The following SEC14L1 variants were observed in gnomAD, a reference collection of about 807,000 sequenced individuals.
The protein encoded by SEC14L1 is SEC14 like lipid binding 1.
In SEC14L1, 48 loss-of-function variants were observed where a neutral mutation model predicts 85.3. The ratio of observed to expected loss-of-function variants is 0.56; its 90% CI spans 0.45 to 0.72. The LOEUF is 0.72. SEC14L1 is among the 30% of genes least tolerant of loss of function. The pLI, the probability that SEC14L1 is intolerant of heterozygous loss-of-function variation, is 0.00. For synonymous variants in SEC14L1, 391 were observed against 355.5 expected (o/e 1.10, Z -1.12); for missense variants, 682 against 921.4 (o/e 0.74, Z 3.36).
intron 3 of SEC14L1, among the ~76,000 whole-genome samples, chr17:77,128,736 G>T (rs951535341): frequency 3.9e-5 from 6 of 152,006 alleles, no homozygotes; most frequent in African/African-American, 1.4e-4. Flanking sequence ...TTACAGATGT[G>T]ATTCACCGCG....
At chr17:77,129,034 G>A (rs1176756604) in intron 3 of SEC14L1, among the ~76,000 whole-genome samples, 2 of 152,050 alleles carry the variant, frequency 1.3e-5, no homozygotes, top group Non-Finnish European at 1.5e-5. Context: ...TTTCTGTTGG[G>A]GGAAATTTAA....
intron 3 of SEC14L1, chr17:77,144,561 CAA>C (rs780161546): frequency 2.0e-5 from 3 of 152,224 alleles, no homozygotes; most frequent in Non-Finnish European, 4.4e-5. Context: ...TTTTGAAAAA[CAA>C]GAAGTCCTCT....
At chr17:77,157,597 G>A (rs1367722110) in intron 3 of SEC14L1, among the ~76,000 whole-genome samples, 1 of 151,346 alleles carries the variant, frequency 6.6e-6, no homozygotes. Flanking sequence ...GCATGATCTC[G>A]GCTCACTGCA....
chr17:77,094,580 G>C (rs1971595266), intron 3 of SEC14L1: 1 of 152,288 alleles, frequency 6.6e-6, no homozygotes, highest in Admixed American at 6.6e-5. Context: ...CGATTCTCCT[G>C]CCTCAGCCTC....
rs367845648 is a variant in SEC14L1, at chr17:77,143,037, T to C, written c.-31+287T>C. Among the ~76,000 whole-genome samples the C allele has an allele frequency of 2.8e-4, 42 of 152,342 alleles. No individual in the cohort carries two copies. In the East Asian group the frequency reaches 5.8e-3, roughly 21 times the overall value. ...AGCTGTAGTGTACACAGTTAGAAAA[T>C]AGGAATTGACACGTTTCCTTTGAAG... On this transcript the variant is annotated intron_variant, in intron 2 of 16. Transcript: ENST00000436233.
chr17:77,125,894 G>A (rs528732782), intron 3 of SEC14L1, among the ~76,000 whole-genome samples: 1 of 152,340 alleles, frequency 6.6e-6, no homozygotes, highest in African/African-American at 2.4e-5. Context: ...GCTCACACCT[G>A]TAATCCCAAC....
At chr17:77,139,680 G>A (rs9905329), upstream of SEC14L1, among the ~76,000 whole-genome samples, 59,105 of 151,120 alleles carry the variant, frequency 0.39, 12,004 homozygotes, top group African/African-American at 0.5. Flanking sequence ...TGTATTTTTA[G>A]TAGAGACAGG....
At chr17:77,196,411 A>G (rs1975809501) in intron 8 of SEC14L1, 100 bp downstream of exon 8, 4 of 678,278 alleles carry the variant, frequency 5.9e-6, no homozygotes, top group Non-Finnish European at 7.5e-6. Context: ...CCCAACTTCC[A>G]CGGCTGGGAA....
At chr17:77,167,698 A>G (rs949790802) in intron 3 of SEC14L1, among the ~76,000 whole-genome samples, 1 of 152,180 alleles carries the variant, frequency 6.6e-6, no homozygotes, top group Admixed American at 6.5e-5. Flanking sequence ...TCTCATGACC[A>G]GGAGGAAGTA....
intron 3 of SEC14L1, among the ~76,000 whole-genome samples, chr17:77,153,260 T>C (rs1973649798): frequency 6.6e-6 from 1 of 152,072 alleles, no homozygotes; most frequent in Non-Finnish European, 1.5e-5. Context: ...ACAGATGGGG[T>C]TTCACCACGT....
intron 3 of SEC14L1, among the ~76,000 whole-genome samples, chr17:77,153,952 G>A (rs778351709): frequency 1.3e-5 from 2 of 152,156 alleles, no homozygotes; most frequent in Non-Finnish European, 2.9e-5. Flanking sequence ...CATATATTGC[G>A]TTGTAATTTT....
chr17:77,118,272 C>T (rs1040486469), intron 3 of SEC14L1, among the ~76,000 whole-genome samples: 6 of 152,222 alleles, frequency 3.9e-5, no homozygotes, highest in Admixed American at 3.3e-4. Flanking sequence ...GCCACCTGGG[C>T]GTTGTCTCCG....
chr17:77,107,665 C>T (rs753337416), intron 3 of SEC14L1, among the ~76,000 whole-genome samples: 23 of 152,110 alleles, frequency 1.5e-4, no homozygotes, highest in Non-Finnish European at 3.1e-4. Context: ...CCTCACACAC[C>T]GAGGGGCTTG....
chr17:77,213,171 A>G lies in SEC14L1; in HGVS notation c.1864-143A>G. The G allele has an allele frequency of 1.4e-6, 1 of 708,384 alleles. No individual in the cohort carries two copies. The highest frequency in any genetic ancestry group is 1.9e-5 in the South Asian group (1 of 52,236). 43.9% of individuals were successfully genotyped at this position (708,384 alleles called of 1,614,324 possible). On this transcript the variant is annotated intron_variant, in intron 15 of 16. Transcript: ENST00000436233. The surrounding 1 kb of genome is among the most constrained non-coding windows in gnomAD (Gnocchi z 7.1). ...TTGTCAAACCTGCTGCTGAAGCAAA[A>G]TAGCAGGTTCTGAATCCCATTGAGA...
At chr17:77,106,361 G>T (rs976342174) in intron 3 of SEC14L1, among the ~76,000 whole-genome samples, 1 of 151,824 alleles carries the variant, frequency 6.6e-6, no homozygotes, top group South Asian at 2.1e-4. Context: ...GTGAAACCCC[G>T]TCTCTACTAA....
intron 9 of SEC14L1, among the ~76,000 whole-genome samples, chr17:77,200,971 AT>A (rs1414418825): frequency 6.6e-6 from 1 of 152,254 alleles, no homozygotes; most frequent in Non-Finnish European, 1.5e-5. Flanking sequence ...GTTTTGACCT[AT>A]TAAAAAGACA....
intron 3 of SEC14L1, among the ~76,000 whole-genome samples, chr17:77,144,093 G>A (rs1285746977): frequency 2.6e-5 from 4 of 152,118 alleles, no homozygotes; most frequent in African/African-American, 7.2e-5. Context: ...TTTTACTCAC[G>A]ATTCAAATGA....
intron 3 of SEC14L1, chr17:77,098,983 T>C (rs865928039): frequency 2.6e-5 from 4 of 152,342 alleles, no homozygotes; most frequent in South Asian, 2.1e-4. Context: ...ATTAATGTAT[T>C]TGAAATAGTT....
chr17:77,145,283 T>G (rs925584877), intron 3 of SEC14L1, among the ~76,000 whole-genome samples: 1 of 152,140 alleles, frequency 6.6e-6, no homozygotes, highest in Non-Finnish European at 1.5e-5. Flanking sequence ...TGTGAGCCAC[T>G]GTACTTGAGA....
Sources: allele counts gnomAD v4.1 joint callset (sites outside exome capture counted in the v4.1 genomes callset), GRCh38; gene constraint gnomAD v4.1.1; non-coding constraint Gnocchi (gnomAD v3.1); transcripts MANE v1.5; gene names NCBI Gene and HGNC (gene_info 2026-07-23, HGNC 2026-07-21).